ZFHX3: variants seen among roughly 807,000 people sequenced by gnomAD.
The protein encoded by ZFHX3 is zinc finger homeobox protein 3.
In ZFHX3, 42 loss-of-function variants were observed where a neutral mutation model predicts 279.1. The ratio of observed to expected loss-of-function variants is 0.15; its 90% confidence interval spans 0.12 to 0.19. The LOEUF is 0.19. Ranked by LOEUF, ZFHX3 falls within the 10% of genes least tolerant of loss-of-function variation. The pLI is 1.00. For synonymous variants in ZFHX3, 2,293 were observed against 1,957.8 expected, an observed-to-expected ratio of 1.17 and a Z score of -4.52; for missense variants, 4,981 against 4,754.0, an observed-to-expected ratio of 1.05 and a Z score of -1.40.
intron 2 of ZFHX3, among the ~76,000 whole-genome samples, chr16:73,474,272 C>T (rs1228729306): frequency 6.6e-6 from 1 of 152,020 alleles, no homozygotes; most frequent in Non-Finnish European, 1.5e-5. Context: ...CTCAGCCTCC[C>T]GAGTAGCAGG....
intron 3 of ZFHX3, among the ~76,000 whole-genome samples, chr16:73,349,639 TCCCTCCCTCTCTCCCTCC>T (rs1567457462): frequency 4.2e-3 from 92 of 21,960 alleles, no homozygotes; most frequent in Middle Eastern, 0.017. Context: ...CCTCCCTCCC[TCCCTCCCTCTCTCCCTCC>T]TTCCCTCTCT....
intron 1 of ZFHX3, among the ~76,000 whole-genome samples, chr16:73,772,145 G>A (rs2054025223): frequency 1.3e-5 from 2 of 152,176 alleles, no homozygotes; most frequent in African/African-American, 4.8e-5. Context: ...CCTCGCCACA[G>A]ACCTTTCCTT....
chr16:72,933,841 CAG>C (rs1567591556), intron 3 of ZFHX3, among the ~76,000 whole-genome samples: 3 of 88,288 alleles, frequency 3.4e-5, no homozygotes, highest in East Asian at 4.4e-4. Context: ...TTTTTTGAGA[CAG>C]AGTCTCGCTC....
At chr16:73,586,427 AAAAAACAT>A (rs2051927641) in intron 2 of ZFHX3, among the ~76,000 whole-genome samples, 1 of 148,278 alleles carries the variant, frequency 6.7e-6, no homozygotes, top group South Asian at 2.1e-4. Flanking sequence ...CAAACAAACA[AAAAAACAT>A]ACAGAAAAGT....
intron 1 of ZFHX3, among the ~76,000 whole-genome samples, chr16:72,961,093 T>C (rs1330502668): frequency 6.6e-6 from 1 of 152,172 alleles, no homozygotes; most frequent in Non-Finnish European, 1.5e-5. Context: ...TGGACCAGAC[T>C]CTGGATCTGC....
chr16:73,331,982 A>G lies in ZFHX3; in HGVS notation c.-1290-13646T>C, dbSNP rs2015813559. Among the ~76,000 whole-genome samples, 5 of 152,198 alleles carry G rather than the reference A, an allele frequency of 3.3e-5. No homozygotes were observed. In the South Asian group the frequency reaches 6.2e-4, roughly 19 times the overall value. On this transcript the variant is annotated intron_variant, in intron 3 of 17. Coordinates refer to the ZFHX3 transcript ENST00000641206. ...CACCCAAAGAAAAACAAGGCAGAAG[A>G]AAAAAAGAAGATCTCTTGAGATTCT... is the stretch of plus-strand genomic sequence containing the variant.
In ZFHX3 at chr16:73,124,442, T is replaced by G. The variant is rs545538376; in HGVS notation, c.-897+6526A>C. Among the ~76,000 whole-genome samples, 3 of 152,288 alleles carry G rather than the reference T, an allele frequency of 2.0e-5. No individual in the cohort carries two copies. In the South Asian group the frequency reaches 6.2e-4, roughly 32 times the overall value. On this transcript the variant is annotated intron_variant, in intron 7 of 17. Transcript: ENST00000641206. Reference sequence around the variant, plus strand: ...CTAATCACTTCCCAAAGTCCCCACCTCCTGATATCATCACATTGAGGATTA... The same window carrying G: ...CTAATCACTTCCCAAAGTCCCCACCGCCTGATATCATCACATTGAGGATTA...
rs551678520 is a variant in ZFHX3 at position 73,108,217 on chromosome 16, C to T, written c.-896-14619G>A. On this transcript the variant is annotated intron_variant, in intron 7 of 17. Coordinates refer to the ZFHX3 transcript ENST00000641206. Reference sequence around the variant, plus strand: ...GGTATGGTGGTGTGCCCCCGTGGTCCCAGCTGCTCAAGAGGCTGAGGTGGG... The same window carrying T: ...GGTATGGTGGTGTGCCCCCGTGGTCTCAGCTGCTCAAGAGGCTGAGGTGGG... Among the ~76,000 whole-genome samples the T allele has an allele frequency of 4.0e-5, 6 of 151,854 alleles. No individual in the cohort carries two copies. The South Asian group carries it at 1.3e-3, about 32-fold the overall frequency.
intron 1 of ZFHX3, among the ~76,000 whole-genome samples, chr16:73,697,270 A>C (rs1467870876): frequency 6.6e-6 from 1 of 151,390 alleles, no homozygotes; most frequent in Non-Finnish European, 1.5e-5. Flanking sequence ...AGATCATGTG[A>C]GTGTCACGAC....
At chr16:73,244,624 C>T (rs1399062439) in intron 5 of ZFHX3, among the ~76,000 whole-genome samples, 2 of 152,218 alleles carry the variant, frequency 1.3e-5, no homozygotes, top group East Asian at 1.9e-4. Flanking sequence ...GACACCTGTG[C>T]TCATGGCCAT....
At chr16:73,434,197 GTCT>G (rs2017958757) in intron 3 of ZFHX3, among the ~76,000 whole-genome samples, 1 of 152,186 alleles carries the variant, frequency 6.6e-6, no homozygotes, top group Non-Finnish European at 1.5e-5. Context: ...AGGGTCCCTT[GTCT>G]TCTTATCATA....
At chr16:73,256,871 T>C (rs1022965061) in intron 5 of ZFHX3, among the ~76,000 whole-genome samples, 1 of 152,088 alleles carries the variant, frequency 6.6e-6, no homozygotes, top group African/African-American at 2.4e-5. Context: ...CACAAGTAAG[T>C]AGGAACTAGA....
chr16:73,019,367 T>TGCGC (rs1555542115), intron 1 of ZFHX3, among the ~76,000 whole-genome samples: 17 of 143,520 alleles, frequency 1.2e-4, no homozygotes, highest in African/African-American at 4.3e-4. Flanking sequence ...TGTGTGTGTG[T>TGCGC]GCGTGTGCGT....
At chr16:73,595,775 G>C (rs1188835266) in intron 2 of ZFHX3, among the ~76,000 whole-genome samples, 2 of 151,968 alleles carry the variant, frequency 1.3e-5, no homozygotes, top group African/African-American at 2.4e-5. Flanking sequence ...TCACTACTCC[G>C]AACTGGTCTC....
chr16:73,643,488 G>A (rs2052591414), intron 2 of ZFHX3, among the ~76,000 whole-genome samples: 1 of 152,110 alleles, frequency 6.6e-6, no homozygotes, highest in Non-Finnish European at 1.5e-5. Flanking sequence ...ACGATATTAG[G>A]CACAGCACAC....
intron 2 of ZFHX3, among the ~76,000 whole-genome samples, chr16:73,634,194 G>A (rs2052505976): frequency 1.3e-5 from 2 of 151,638 alleles, no homozygotes; most frequent in Admixed American, 6.6e-5. Flanking sequence ...AGATGTATAT[G>A]TAATATAAAA....
At chr16:73,565,543 A>C (rs1224455886) in intron 2 of ZFHX3, among the ~76,000 whole-genome samples, 1 of 152,214 alleles carries the variant, frequency 6.6e-6, no homozygotes, top group African/African-American at 2.4e-5. Context: ...GGGGCACTTA[A>C]TAGTTTACAA....
chr16:73,427,825 C>T (rs2017839100), intron 3 of ZFHX3, among the ~76,000 whole-genome samples: 1 of 151,902 alleles, frequency 6.6e-6, no homozygotes, highest in Non-Finnish European at 1.5e-5. Context: ...CGCCTGGAGT[C>T]CCAGCTACTC....
chr16:72,793,153 C>T lies in ZFHX3; in HGVS notation c.9427+102G>A. 6.6e-7 allele frequency: 1 copy of T among 1,506,024 alleles called. No individual in the cohort carries two copies. The highest frequency in any genetic ancestry group is 8.9e-7 in the Non-Finnish European group (1 of 1,128,816). The allele number at this position is 1,506,024 out of a possible 1,614,324, so 93.3% of individuals were successfully genotyped here. On this transcript the variant is annotated intron_variant, in intron 9 of 9. Transcript: ENST00000268489. This position sits in a 1 kb window ranked among gnomAD's most constrained non-coding sequence, Gnocchi z 4.3. ...TTTAAAGAACTAGAAAGGTAAGCTT[C>T]CCATCTGCCCAGCACTCAGAGGGTT...
Sources: allele counts gnomAD v4.1 joint callset (sites outside exome capture counted in the v4.1 genomes callset), GRCh38; gene constraint gnomAD v4.1.1; non-coding constraint Gnocchi (gnomAD v3.1); transcripts MANE v1.5; gene names NCBI Gene and HGNC (gene_info 2026-07-23, HGNC 2026-07-21).